TOX2: variants seen among roughly 807,000 people sequenced by gnomAD.
TOX2 encodes the protein granulosa cell HMG box 1.
A neutral mutation model predicts 47.4 loss-of-function variants in TOX2; 15 were observed. The ratio of observed to expected loss-of-function variants is 0.32; its 90% CI spans 0.21 to 0.49. The LOEUF (loss-of-function observed/expected upper bound fraction) is 0.49. Among genes scored for constraint, TOX2 ranks in the 20% least tolerant of loss-of-function variants. The pLI is 0.99. For missense variants in TOX2, 622 were observed against 673.1 expected (o/e 0.92, Z 0.84); for synonymous variants, 290 against 296.6 (o/e 0.98, Z 0.23).
intron 1 of TOX2, among the ~76,000 whole-genome samples, chr20:43,935,169 T>C (rs1178386403): frequency 6.6e-6 from 1 of 152,146 alleles, no homozygotes; most frequent in African/African-American, 2.4e-5. Flanking sequence ...CGTCAGGACC[T>C]TGTGGGGAGG....
At chr20:44,039,519 G>A (rs1259360671) in intron 3 of TOX2, among the ~76,000 whole-genome samples, 1 of 152,200 alleles carries the variant, frequency 6.6e-6, no homozygotes, top group Non-Finnish European at 1.5e-5. Context: ...GAGCTGCATA[G>A]CTTGAGATAG....
chr20:43,953,074 G>A, intron 1 of TOX2, among the ~76,000 whole-genome samples: 1 of 151,902 alleles, frequency 6.6e-6, no homozygotes, highest in East Asian at 1.9e-4. Flanking sequence ...ATGGAGGAAG[G>A]GACCACAAGC....
At chr20:44,057,785 T>TCTG (rs1420860136) in intron 5 of TOX2, among the ~76,000 whole-genome samples, 1 of 152,208 alleles carries the variant, frequency 6.6e-6, no homozygotes, top group East Asian at 1.9e-4. Flanking sequence ...GCAGGATGGT[T>TCTG]CTGCTGCTGC....
At chr20:43,917,014 T>C (rs1465716983) in intron 1 of TOX2, among the ~76,000 whole-genome samples, 2 of 151,970 alleles carry the variant, frequency 1.3e-5, no homozygotes, top group Non-Finnish European at 2.9e-5. Context: ...GTGTGGGATG[T>C]AGGACCCCTG....
rs1042570713 is a variant in TOX2 at position 44,046,797 on chromosome 20, C to T, written c.412-4509C>T. ...CAGTATTATTTCCAATATACATGAA[C>T]GGTTTTGCAAAAATTGATCATACTT... On this transcript the variant is annotated intron_variant, in intron 3 of 8. Transcript: ENST00000341197. Among the ~76,000 whole-genome samples the T allele has an allele frequency of 5.3e-5, 8 of 152,128 alleles. No individual in the cohort carries two copies. In the South Asian group the frequency reaches 6.2e-4, roughly 12 times the overall value.
intron 2 of TOX2, among the ~76,000 whole-genome samples, chr20:43,991,836 G>A (rs2070374419): frequency 6.6e-6 from 1 of 151,926 alleles, no homozygotes; most frequent in African/African-American, 2.4e-5. Flanking sequence ...TACAGATGGG[G>A]TTTCACCATG....
At chr20:43,967,011 A>G (rs1030431153) in intron 1 of TOX2, among the ~76,000 whole-genome samples, 1 of 152,150 alleles carries the variant, frequency 6.6e-6, no homozygotes, top group Non-Finnish European at 1.5e-5. Flanking sequence ...TACGCTGTGC[A>G]TACCACATGC....
rs552538313 is a variant in TOX2, at chr20:43,916,735, C to A, written c.99+1745C>A. ...GAGGTAGGTACCAGCCTCTGGTTTG[C>A]GGGTGTGGGTGGGCTGGGCATTTGT... is the stretch of plus-strand genomic sequence containing the variant. On this transcript the variant is annotated intron_variant, in intron 1 of 8. Coordinates refer to ENST00000341197, the MANE Select transcript of TOX2 (RefSeq NM_001098797.2). This position sits in a 1 kb window ranked among gnomAD's most constrained non-coding sequence, Gnocchi z 5.0. Among the ~76,000 whole-genome samples, 93 of 152,080 alleles carry A rather than the reference C, an allele frequency of 6.1e-4. 1 individual carries two copies. The highest frequency in any genetic ancestry group is 2.0e-3 in the African/African-American group (83 of 41,478).
chr20:44,057,199 G>A (rs1448881699), intron 5 of TOX2, among the ~76,000 whole-genome samples: 1 of 152,168 alleles, frequency 6.6e-6, no homozygotes, highest in Admixed American at 6.5e-5. Flanking sequence ...GGGATTAGAG[G>A]CATGAGCCAC....
At chr20:43,975,265 G>A (rs181137029) in intron 2 of TOX2, among the ~76,000 whole-genome samples, 1 of 152,124 alleles carries the variant, frequency 6.6e-6, no homozygotes, top group Non-Finnish European at 1.5e-5. Context: ...CGGCAGAGGA[G>A]AGCACAGTCG....
At chr20:44,054,028 A>G (rs975205201) in intron 4 of TOX2, among the ~76,000 whole-genome samples, 3 of 152,328 alleles carry the variant, frequency 2.0e-5, no homozygotes, top group Admixed American at 2.0e-4. Context: ...TAATTCCAGC[A>G]TTCTTTCCAT....
chr20:43,966,598 T>C (rs1474392596), intron 1 of TOX2, among the ~76,000 whole-genome samples: 4 of 151,694 alleles, frequency 2.6e-5, no homozygotes, highest in African/African-American at 9.7e-5. Context: ...TCTCTAAAAA[T>C]ACAAATTTAG....
intron 1 of TOX2, among the ~76,000 whole-genome samples, chr20:43,962,792 C>T (rs1449780370): frequency 6.6e-6 from 1 of 152,122 alleles, no homozygotes; most frequent in African/African-American, 2.4e-5. Flanking sequence ...GTGTCTAGAC[C>T]AGCACCATCC....
chr20:44,051,331 T>C lies in TOX2; in HGVS notation c.437T>C (p.Val146Ala). The stretch of plus-strand genomic sequence containing the variant: ...ATCCAGGAGATGGTCCACTCGGAAG[T>C]GGCTGCCTATGACTCGGGCCGGCCC... ...PTIQEMVHSE[V>A]AAYDSGRPGP... Residue 146 changes from valine (V) to alanine (A), a missense_variant, in exon 4 of 9, where the codon GTG (valine) becomes GCG (alanine). Coordinates refer to ENST00000341197, the MANE Select transcript of TOX2 (RefSeq NM_001098797.2). 6.2e-7 allele frequency: 1 copy of C among 1,612,026 alleles called. No homozygotes were observed. Among genetic ancestry groups the C allele is most frequent in the South Asian group, 1.1e-5 (1 of 90,954 alleles).
At chr20:44,020,054 G>C (rs182371313) in intron 3 of TOX2, among the ~76,000 whole-genome samples, 1 of 152,210 alleles carries the variant, frequency 6.6e-6, no homozygotes, top group Non-Finnish European at 1.5e-5. Flanking sequence ...CCAGCTGTGC[G>C]ACCTCAGCCA....
intron 2 of TOX2, among the ~76,000 whole-genome samples, chr20:43,998,660 G>C (rs779639959): frequency 6.6e-6 from 1 of 151,476 alleles, no homozygotes; most frequent in Non-Finnish European, 1.5e-5. Flanking sequence ...GTGCTTTTTT[G>C]CCCTGATTTG....
intron 3 of TOX2, among the ~76,000 whole-genome samples, chr20:44,038,030 A>G (rs2145709399): frequency 6.6e-6 from 1 of 152,306 alleles, no homozygotes; most frequent in South Asian, 2.1e-4. Context: ...TCTCAAATGG[A>G]GATGAGGAAC....
Position 44,044,422 on chromosome 20 carries a change from TAA to T in TOX2, c.412-6871_412-6870del, listed in dbSNP as rs3037502. 4.0e-3 allele frequency among the ~76,000 whole-genome samples: 569 copies of T among 143,362 alleles called. 2 individuals are homozygous for T. Among genetic ancestry groups the T allele is most frequent in the African/African-American group, 0.011 (420 of 38,364 alleles). 94.1% of individuals were successfully genotyped at this position (143,362 alleles called of 152,430 possible). A position where few individuals can be genotyped will look rare whatever the true frequency, so the allele number is the denominator to read the frequency against. ...CACATGTACCCTAGAACTTAAAGCA[TAA>T]AAAAAAAAAAAAGAAATGCAAAACT... is the stretch of plus-strand genomic sequence containing the variant. On this transcript the variant is annotated intron_variant, in intron 3 of 8. Coordinates refer to ENST00000341197, the MANE Select transcript of TOX2 (RefSeq NM_001098797.2).
At chr20:43,958,970 T>C (rs2069713103) in intron 1 of TOX2, among the ~76,000 whole-genome samples, 1 of 152,196 alleles carries the variant, frequency 6.6e-6, no homozygotes, top group Non-Finnish European at 1.5e-5. Flanking sequence ...GAGTGCAGTT[T>C]TCTGTTTTCT....
Sources: gnomAD v4.1 joint callset for allele counts (sites outside exome capture counted in the v4.1 genomes callset) on GRCh38, gnomAD v4.1.1 for gene constraint, Gnocchi (gnomAD v3.1) non-coding constraint, MANE v1.5 for transcripts, NCBI Gene and HGNC (gene_info 2026-07-23, HGNC 2026-07-21) for gene names.